The following XKRX variants were observed in gnomAD, a reference collection of about 807,000 sequenced individuals.
XKRX encodes the protein XK related X-linked.
Under a neutral mutation model 22.4 loss-of-function variants are expected in XKRX, and 11 were observed. The ratio of observed to expected loss-of-function variants is 0.49; its 90% CI spans 0.31 to 0.81. The LOEUF is 0.81. Ranked by LOEUF, XKRX falls within the 40% of genes least tolerant of loss-of-function variation. XKRX has a pLI of 0.05. For missense variants in XKRX, 320 were observed against 336.5 expected (o/e 0.95, Z 0.38); for synonymous variants, 114 against 132.2 (o/e 0.86, Z 0.94).
At chrX:100,904,590 C>T in the XKRX span, among the ~76,000 whole-genome samples, 1 of 112,050 alleles carries the variant, frequency 8.9e-6, no homozygotes, top group African/African-American at 3.2e-5. Context: ...GGCTTGGCGC[C>T]CTAAGCACAT....
At chrX:100,924,478 C>T (rs941485970) in intron 1 of XKRX, among the ~76,000 whole-genome samples, 2 of 111,408 alleles carry the variant, frequency 1.8e-5, no homozygotes, top group Non-Finnish European at 3.8e-5. Flanking sequence ...GCCCCTCCCA[C>T]CTCCCCCATA....
chrX:100,927,444 TTACA>T (rs2085502284), intron 1 of XKRX, among the ~76,000 whole-genome samples: 1 of 111,420 alleles, frequency 9.0e-6, no homozygotes, highest in Non-Finnish European at 1.9e-5. Context: ...AGTGCTGGGA[TTACA>T]GGCATGAGCC....
chrX:100,927,398 C>T (rs945838012), intron 1 of XKRX, among the ~76,000 whole-genome samples: 1 of 111,526 alleles, frequency 9.0e-6, no homozygotes, highest in South Asian at 3.8e-4. Flanking sequence ...TCTTGAACTC[C>T]TGACCTCAGG....
chrX:100,924,949 G>C (rs1356644313), intron 1 of XKRX, among the ~76,000 whole-genome samples: 7 of 111,719 alleles, frequency 6.3e-5, no homozygotes, highest in African/African-American at 2.3e-4. Context: ...ACTGATGCAT[G>C]TGTACCACTC....
chrX:100,916,110 C>CACAA (rs1491531802), intron 2 of XKRX, among the ~76,000 whole-genome samples: 2 of 107,696 alleles, frequency 1.9e-5, no homozygotes, highest in Admixed American at 2.0e-4. Context: ...CACACACACA[C>CACAA]GTACAAAAAT....
chrX:100,903,083 T>C, the XKRX span, among the ~76,000 whole-genome samples: 20 of 107,529 alleles, frequency 1.9e-4, no homozygotes, highest in Non-Finnish European at 3.6e-4. Context: ...ACAAAAAACC[T>C]ACAACTAACA....
chrX:100,954,204 A>G, the XKRX span, among the ~76,000 whole-genome samples: 1 of 111,331 alleles, frequency 9.0e-6, no homozygotes, highest in East Asian at 2.8e-4. Flanking sequence ...GGATCATCTG[A>G]GGTCAGGAGT....
At chrX:100,903,595 G>A in the XKRX span, among the ~76,000 whole-genome samples, 1 of 111,909 alleles carries the variant, frequency 8.9e-6, no homozygotes, top group South Asian at 3.7e-4. Context: ...TGGAGTTCCT[G>A]TTGCTCTACA....
the XKRX span, chrX:100,957,676 C>A: frequency 2.5e-6 from 1 of 405,403 alleles, no homozygotes; most frequent in Non-Finnish European, 4.3e-6. Flanking sequence ...AGCAGTTCAA[C>A]TTGATGAGAG....
At position 100,913,833 on chromosome X, in the gene XKRX, G is replaced by A. The variant is rs760254198; in HGVS notation, c.*505C>T. 1 of 114,270 alleles carries A rather than the reference G, an allele frequency of 8.8e-6. No individual in the cohort carries two copies. Among genetic ancestry groups the A allele is most frequent in the Non-Finnish European group, 1.8e-5 (1 of 54,569 alleles). 9.4% of individuals were successfully genotyped at this position (114,270 alleles called of 1,213,427 possible). A position where few individuals can be genotyped will look rare whatever the true frequency, so the allele number is the denominator to read the frequency against. On this transcript the variant is annotated 3_prime_UTR_variant, in exon 3 of 3. Coordinates refer to ENST00000372956, the MANE Select transcript of XKRX (RefSeq NM_212559.3). ...AGTGGTGATTTTCTTCTCAGCCAGA[G>A]CTTCTCACTGGAATTAAAAAGACCC...
downstream of XKRX, chrX:100,910,686 T>C (rs756114475): frequency 2.6e-5 from 12 of 453,685 alleles, no homozygotes; most frequent in Admixed American, 3.4e-4. Context: ...CAGAGGCTGC[T>C]ACTGGCAACT....
At chrX:100,959,057 G>A in the XKRX span, among the ~76,000 whole-genome samples, 2 of 111,356 alleles carry the variant, frequency 1.8e-5, no homozygotes, top group Non-Finnish European at 3.8e-5. Flanking sequence ...GCAAAATCAG[G>A]CCACTGTCTC....
At chrX:100,889,560 G>T in the XKRX span, among the ~76,000 whole-genome samples, 54 of 110,814 alleles carry the variant, frequency 4.9e-4, no homozygotes, top group African/African-American at 1.7e-3. Context: ...ATGTTTGAAT[G>T]CAAACATGCA....
At chrX:100,896,662 T>C in the XKRX span, among the ~76,000 whole-genome samples, 1 of 111,497 alleles carries the variant, frequency 9.0e-6, no homozygotes, top group Non-Finnish European at 1.9e-5. Context: ...TTTGGAAGCA[T>C]AATTAAAAAT....
upstream of XKRX, among the ~76,000 whole-genome samples, chrX:100,930,745 G>A (rs942569689): frequency 9.0e-6 from 1 of 110,926 alleles, no homozygotes; most frequent in African/African-American, 3.3e-5. Flanking sequence ...AACCTCTTGG[G>A]GCTGCTCTAG....
upstream of XKRX, chrX:100,929,273 G>A (rs1345408678): frequency 8.9e-6 from 1 of 111,741 alleles, no homozygotes; most frequent in Non-Finnish European, 1.9e-5. Flanking sequence ...GGCGAGATGG[G>A]CGGGACGGCT....
intron 1 of XKRX, among the ~76,000 whole-genome samples, chrX:100,926,352 T>C (rs1037459863): frequency 8.9e-6 from 1 of 111,981 alleles, no homozygotes; most frequent in Non-Finnish European, 1.9e-5. Flanking sequence ...ACTGTTTCCA[T>C]TGATATCCCA....
chrX:100,931,793 ACT>A (rs1602419538), upstream of XKRX, among the ~76,000 whole-genome samples: 2 of 109,924 alleles, frequency 1.8e-5, no homozygotes, highest in African/African-American at 6.6e-5. Flanking sequence ...ACTCAGACAC[ACT>A]CATCTCTAAA....
At chrX:100,916,164 G>A (rs767718926) in intron 2 of XKRX, among the ~76,000 whole-genome samples, 1 of 110,053 alleles carries the variant, frequency 9.1e-6, no homozygotes, top group Non-Finnish European at 1.9e-5. Flanking sequence ...GTTTGGTTGT[G>A]GTAATCATTT....
Sources: allele counts gnomAD v4.1 joint callset (sites outside exome capture counted in the v4.1 genomes callset), GRCh38; gene constraint gnomAD v4.1.1; transcripts MANE v1.5; gene names NCBI Gene and HGNC (gene_info 2026-07-23, HGNC 2026-07-21).